The following VRK2 variants were observed in gnomAD, a reference collection of about 807,000 sequenced individuals.
VRK2 encodes serine/threonine-protein kinase VRK2.
A neutral mutation model predicts 57.6 loss-of-function variants in VRK2; 60 were observed. The observed-to-expected ratio is 1.04, with a 90% CI of 0.85 to 1.29. The LOEUF is 1.29. Ranked by LOEUF, VRK2 falls within the 50% of genes most tolerant of loss-of-function variation. VRK2 has a pLI of 0.00. For missense variants in VRK2, 705 were observed against 588.1 expected, an observed-to-expected ratio of 1.20 and a Z score of -2.06; for synonymous variants, 231 against 199.2, an observed-to-expected ratio of 1.16 and a Z score of -1.35.
chr2:58,049,160 A>T (rs1050010477), intron 2 of VRK2, among the ~76,000 whole-genome samples, 193 bp downstream of exon 2: 1 of 152,184 alleles, frequency 6.6e-6, no homozygotes, highest in Non-Finnish European at 1.5e-5. Context: ...CTTGTTGTCC[A>T]TGTTTTTCTG....
At chr2:58,111,133 T>C (rs966448504) in intron 7 of VRK2, among the ~76,000 whole-genome samples, 2 of 152,346 alleles carry the variant, frequency 1.3e-5, no homozygotes, top group African/African-American at 4.8e-5. Flanking sequence ...AGTTGTTTAT[T>C]GGAGGAGTCG....
intron 1 of VRK2, among the ~76,000 whole-genome samples, chr2:58,005,319 A>G (rs1220119831): frequency 1.3e-5 from 2 of 152,192 alleles, no homozygotes; most frequent in Non-Finnish European, 2.9e-5. Context: ...CTGTGGTTAC[A>G]AAAGTAATGC....
At chr2:57,997,015 C>A (rs1183514466) in intron 1 of VRK2, among the ~76,000 whole-genome samples, 1 of 151,452 alleles carries the variant, frequency 6.6e-6, no homozygotes, top group East Asian at 1.9e-4. Context: ...GTGTTGCTTA[C>A]CTTAACAAGG....
chr2:57,975,559 A>G (rs902604046), intron 1 of VRK2, among the ~76,000 whole-genome samples: 1 of 151,888 alleles, frequency 6.6e-6, no homozygotes, highest in African/African-American at 2.4e-5. Context: ...GGGATATTAT[A>G]TGATGCTAGG....
intron 1 of VRK2, among the ~76,000 whole-genome samples, chr2:58,020,651 A>C (rs1673726177): frequency 1.3e-5 from 2 of 152,286 alleles, no homozygotes; most frequent in Admixed American, 6.5e-5. Flanking sequence ...GTCTCCAGAC[A>C]GGCTCATAAG....
At chr2:57,931,258 G>A (rs1047713459) in intron 1 of VRK2, among the ~76,000 whole-genome samples, 1 of 152,060 alleles carries the variant, frequency 6.6e-6, no homozygotes, top group African/African-American at 2.4e-5. Context: ...CCCACCAAAA[G>A]TGTACAAGAG....
intron 7 of VRK2, among the ~76,000 whole-genome samples, chr2:58,119,309 C>T (rs546810939): frequency 1.5e-3 from 228 of 149,434 alleles, no homozygotes; most frequent in Non-Finnish European, 2.4e-3. Flanking sequence ...ACCAGCCTGG[C>T]TAACATGGTG....
chr2:58,008,579 T>A (rs1476946548), intron 1 of VRK2, among the ~76,000 whole-genome samples: 2 of 151,468 alleles, frequency 1.3e-5, no homozygotes, highest in Non-Finnish European at 3.0e-5. Flanking sequence ...AAACTAACAA[T>A]CTAAGCATCC....
At chr2:58,046,086 C>G (rs1674721381), upstream of VRK2, among the ~76,000 whole-genome samples, 1 of 152,182 alleles carries the variant, frequency 6.6e-6, no homozygotes, top group Non-Finnish European at 1.5e-5. Flanking sequence ...CTCAGATGAT[C>G]CACCCGCCTC....
intron 7 of VRK2, among the ~76,000 whole-genome samples, chr2:58,113,898 A>T (rs1189263847): frequency 6.6e-6 from 1 of 152,046 alleles, no homozygotes; most frequent in African/African-American, 2.4e-5. Context: ...AATAAAACAA[A>T]ATAGTGTTGA....
At chr2:57,957,628 C>A (rs1200772082) in intron 1 of VRK2, among the ~76,000 whole-genome samples, 5 of 145,022 alleles carry the variant, frequency 3.4e-5, no homozygotes, top group African/African-American at 1.3e-4. Flanking sequence ...ATATATATTT[C>A]TATATATATA....
At chr2:58,002,108 GA>G (rs1673108073) in intron 1 of VRK2, among the ~76,000 whole-genome samples, 1 of 152,172 alleles carries the variant, frequency 6.6e-6, no homozygotes, top group African/African-American at 2.4e-5. Context: ...TGAGTGCTGT[GA>G]AAAATATAAT....
intron 12 of VRK2, among the ~76,000 whole-genome samples, chr2:58,156,018 C>T (rs114264387): frequency 2.0e-5 from 3 of 150,564 alleles, no homozygotes; most frequent in Non-Finnish European, 2.9e-5. Context: ...AAGTACATGG[C>T]GGGTGGAGAC....
chr2:58,035,399 T>C (rs563224931), intron 3 of VRK2, among the ~76,000 whole-genome samples: 2 of 152,130 alleles, frequency 1.3e-5, no homozygotes, highest in East Asian at 3.9e-4. Context: ...TTAGTTTATT[T>C]TTGTTATGAG....
chr2:57,946,902 G>A (rs1349866476), intron 1 of VRK2, among the ~76,000 whole-genome samples: 1 of 152,008 alleles, frequency 6.6e-6, no homozygotes, highest in African/African-American at 2.4e-5. Context: ...ACTGATCTAT[G>A]AGCCAGAGGA....
intron 2 of VRK2, among the ~76,000 whole-genome samples, chr2:58,032,701 T>A (rs1458570617): frequency 6.6e-6 from 1 of 152,170 alleles, no homozygotes; most frequent in Non-Finnish European, 1.5e-5. Context: ...TAGGATAGAA[T>A]GTCCTTCAGT....
At chr2:58,137,156 T>TTATATCATATATCATATATATCA (rs1680378478) in intron 10 of VRK2, among the ~76,000 whole-genome samples, 5 of 24,442 alleles carry the variant, frequency 2.0e-4, no homozygotes, top group African/African-American at 5.0e-4. Flanking sequence ...TATCATGTGT[T>TTATATCATATATCATATATATCA]TATATATATC....
chr2:57,976,182 C>A (rs931935150), intron 1 of VRK2, among the ~76,000 whole-genome samples: 10 of 152,046 alleles, frequency 6.6e-5, no homozygotes, highest in African/African-American at 2.2e-4. Flanking sequence ...TAGGCTGATT[C>A]TATATCTTCA....
chr2:57,940,657 T>C (rs1671064523), intron 1 of VRK2, among the ~76,000 whole-genome samples: 1 of 152,164 alleles, frequency 6.6e-6, no homozygotes, highest in Admixed American at 6.5e-5. Flanking sequence ...TTCCTTCCTA[T>C]ATTATTTTAC....
Sources: gnomAD v4.1 joint callset for allele counts (sites outside exome capture counted in the v4.1 genomes callset) on GRCh38, gnomAD v4.1.1 for gene constraint, MANE v1.5 for transcripts, NCBI Gene and HGNC (gene_info 2026-07-23, HGNC 2026-07-21) for gene names.